The following AGO2 variants were observed in gnomAD, a reference collection of about 807,000 sequenced individuals.
AGO2 encodes the protein protein argonaute-2.
AGO2 carries 5 observed loss-of-function variants against 102.3 expected under a neutral mutation model. That is an observed-to-expected ratio of 0.05 (90% confidence interval 0.03 to 0.10). AGO2 has a LOEUF of 0.10. Among genes scored for constraint, AGO2 ranks in the 10% least tolerant of loss-of-function variants. The pLI is 1.00. For synonymous variants in AGO2, 449 were observed against 473.1 expected, an observed-to-expected ratio of 0.95 and a Z score of 0.66; for missense variants, 541 against 1,183.7, an observed-to-expected ratio of 0.46 and a Z score of 7.97.
In AGO2 at chr8:140,567,176, C is replaced by A. The variant is rs1462688873; in HGVS notation, c.337-4542G>T. On this transcript the variant is annotated intron_variant, in intron 3 of 18. Coordinates refer to ENST00000220592, the MANE Select transcript of AGO2 (RefSeq NM_012154.5). This position sits in a 1 kb window ranked among gnomAD's most constrained non-coding sequence, Gnocchi z 5.0. ...TAAATGTATTTCAGTCCAGCCTCCG[C>A]TTGGCCTGCAGAGAAAGGACAGCAG... Among the ~76,000 whole-genome samples, 2 of 152,236 alleles carry A rather than the reference C, an allele frequency of 1.3e-5. No homozygotes were observed. Among genetic ancestry groups the A allele is most frequent in the Non-Finnish European group, 2.9e-5 (2 of 68,050 alleles).
At chr8:140,573,200 G>A (rs2073412636) in intron 2 of AGO2, among the ~76,000 whole-genome samples, 3 of 151,360 alleles carry the variant, frequency 2.0e-5, no homozygotes, top group South Asian at 4.2e-4. Context: ...ACGGAGTTTC[G>A]CTCTTGTTGC....
chr8:140,575,122 C>T (rs551847551), intron 2 of AGO2, among the ~76,000 whole-genome samples: 78 of 152,284 alleles, frequency 5.1e-4, no homozygotes, highest in African/African-American at 1.7e-3. Context: ...AAGCTGCACC[C>T]GCCTCTGACA....
chr8:140,613,274 T>C (rs1376438568), intron 1 of AGO2, among the ~76,000 whole-genome samples: 1 of 152,214 alleles, frequency 6.6e-6, no homozygotes, highest in African/African-American at 2.4e-5. Context: ...CAGCTGATGC[T>C]TTCTATTAAG....
At chr8:140,538,105 C>T (rs1010274050) in intron 16 of AGO2, among the ~76,000 whole-genome samples, 1 of 152,238 alleles carries the variant, frequency 6.6e-6, no homozygotes. Context: ...CAGGCGTGAG[C>T]CACCGTGCCT....
Position 140,523,215 on chromosome 8 carries a change from CCTG to C in AGO2, c.*8826_*8828del, listed in dbSNP as rs2072445256. The C allele has an allele frequency of 6.6e-6, 1 of 152,116 alleles. No homozygotes were observed. The highest frequency in any genetic ancestry group is 2.4e-5 in the African/African-American group (1 of 41,414). 9.4% of individuals were successfully genotyped at this position (152,116 alleles called of 1,614,324 possible). A position where few individuals can be genotyped will look rare whatever the true frequency, so the allele number is the denominator to read the frequency against. On this transcript the variant is annotated 3_prime_UTR_variant, in exon 19 of 19. Transcript: ENST00000220592. ...CCCACAGACAATACATAGAGTACCACCTGAAACGAGGCCCTTGGAGCTGCTCAG... is the reference window on the plus strand; with the variant it reads ...CCCACAGACAATACATAGAGTACCACAAACGAGGCCCTTGGAGCTGCTCAG...
chr8:140,560,184 G>A (rs922012004), intron 5 of AGO2, among the ~76,000 whole-genome samples, 190 bp downstream of exon 5: 2 of 152,166 alleles, frequency 1.3e-5, no homozygotes, highest in Non-Finnish European at 2.9e-5. Context: ...GTGGCTTCAC[G>A]CTGGCCTGAG....
rs141410242 is a variant in AGO2 at position 140,542,740 on chromosome 8, C to T, written c.1840-1382G>A. 3.3e-3 allele frequency among the ~76,000 whole-genome samples: 500 copies of T among 152,322 alleles called. 4 individuals carry two copies. Among genetic ancestry groups the T allele is most frequent in the Middle Eastern group, 0.017 (5 of 294 alleles). ...GGGCTTTCCCCAGCTGCAGGACCCT[C>T]GGGGGGTCCCCTCTGTGCCCTGGCT... On this transcript the variant is annotated intron_variant, in intron 14 of 18. Coordinates refer to ENST00000220592, the MANE Select transcript of AGO2 (RefSeq NM_012154.5).
chr8:140,545,823 C>T (rs531832894), intron 13 of AGO2, among the ~76,000 whole-genome samples: 37 of 152,372 alleles, frequency 2.4e-4, no homozygotes, highest in African/African-American at 8.9e-4. Flanking sequence ...CAGCCCCTCT[C>T]GGCTTCACGG....
At chr8:140,532,234 T>C (rs1588431448) in intron 18 of AGO2, 82 bp from the exon 19 acceptor site, 1 of 1,460,204 alleles carries the variant, frequency 6.8e-7, no homozygotes, top group East Asian at 2.3e-5. Context: ...TAAGTCGGGA[T>C]GGCATGGCGG....
At position 140,539,368 on chromosome 8, in the gene AGO2, C is replaced by A; in HGVS notation, c.2121G>T (p.Val707=). ...AGAGCCGGGTGTGGTGCCTCTTCTGCACCACGATGAAGGTGATCCCGGGCT... is the reference window on the plus strand; with the variant it reads ...AGAGCCGGGTGTGGTGCCTCTTCTGAACCACGATGAAGGTGATCCCGGGCT... ...DYQPGITFIV[V]QKRHHTRLFC... The change falls in exon 16 of 19, where the codon GTG becomes GTT. Residue 707 remains valine (V), a synonymous_variant. Transcript: ENST00000220592. This position sits in a 1 kb window ranked among gnomAD's most constrained non-coding sequence, Gnocchi z 4.7. The A allele has an allele frequency of 6.2e-7, 1 of 1,614,050 alleles. No individual in the cohort carries two copies. The highest frequency in any genetic ancestry group is 8.5e-7 in the Non-Finnish European group (1 of 1,179,948).
At chr8:140,606,039 T>C (rs970033625) in intron 1 of AGO2, among the ~76,000 whole-genome samples, 2 of 152,256 alleles carry the variant, frequency 1.3e-5, no homozygotes, top group African/African-American at 2.4e-5. Context: ...GCAGACTAAG[T>C]TGCTTTTTCG....
At chr8:140,547,375 C>G (rs1207844604) in intron 13 of AGO2, 93 bp downstream of exon 13, 2 of 1,495,392 alleles carry the variant, frequency 1.3e-6, no homozygotes, top group Non-Finnish European at 1.8e-6. Context: ...TGAAGGGACC[C>G]TGCCCCCCTG....
chr8:140,628,729 C>A (rs2074305632), intron 1 of AGO2, among the ~76,000 whole-genome samples: 1 of 151,940 alleles, frequency 6.6e-6, no homozygotes, highest in Non-Finnish European at 1.5e-5. Context: ...TGTGCCACTG[C>A]ACTCTAGCCT....
chr8:140,584,209 T>C lies in AGO2; in HGVS notation c.215+910A>G, dbSNP rs537682576. Among the ~76,000 whole-genome samples, 5 of 144,234 alleles carry C rather than the reference T, an allele frequency of 3.5e-5. No individual in the cohort carries two copies. In the East Asian group the frequency reaches 1.0e-3, roughly 29 times the overall value. 94.6% of individuals were successfully genotyped at this position (144,234 alleles called of 152,430 possible). A position where few individuals can be genotyped will look rare whatever the true frequency, so the allele number is the denominator to read the frequency against. ...TGGAAATAATATATCACTTAATCGA[T>C]GAAAATAATATATAAACACATGGAA... On this transcript the variant is annotated intron_variant, in intron 2 of 18. Coordinates refer to ENST00000220592, the MANE Select transcript of AGO2 (RefSeq NM_012154.5).
At chr8:140,629,310 CTA>C (rs2074313160) in intron 1 of AGO2, among the ~76,000 whole-genome samples, 1 of 152,076 alleles carries the variant, frequency 6.6e-6, no homozygotes, top group Non-Finnish European at 1.5e-5. Context: ...TGTATGAAGA[CTA>C]AGGATTCGTG....
intron 4 of AGO2, among the ~76,000 whole-genome samples, chr8:140,561,431 A>G (rs1319450784): frequency 6.6e-6 from 1 of 152,250 alleles, no homozygotes; most frequent in Admixed American, 6.5e-5. Context: ...AAGTAATCCA[A>G]AGGAATTCGG....
At chr8:140,550,273 C>T (rs1230483812) in intron 11 of AGO2, among the ~76,000 whole-genome samples, 1 of 152,210 alleles carries the variant, frequency 6.6e-6, no homozygotes, top group Non-Finnish European at 1.5e-5. Flanking sequence ...TGTTAAGGGA[C>T]CGGCTACACC....
chr8:140,522,172 C>T lies in AGO2; in HGVS notation c.*9872G>A, dbSNP rs565450412. 2 of 152,116 alleles carry T rather than the reference C, an allele frequency of 1.3e-5. No individual in the cohort carries two copies. Among genetic ancestry groups the T allele is most frequent in the Admixed American group, 1.3e-4 (2 of 15,278 alleles). 9.4% of individuals were successfully genotyped at this position (152,116 alleles called of 1,614,324 possible). On this transcript the variant is annotated 3_prime_UTR_variant, in exon 19 of 19. Coordinates refer to ENST00000220592, the MANE Select transcript of AGO2 (RefSeq NM_012154.5). Reference sequence around the variant, plus strand: ...ATTTTTTCAATGCATTGGGGTTCAACATAAAAGGCACAAATAAATAAAAAT... The same window carrying T: ...ATTTTTTCAATGCATTGGGGTTCAATATAAAAGGCACAAATAAATAAAAAT...
At chr8:140,555,007 G>A (rs2073071203) in intron 10 of AGO2, among the ~76,000 whole-genome samples, 1 of 152,004 alleles carries the variant, frequency 6.6e-6, no homozygotes, top group Non-Finnish European at 1.5e-5. Flanking sequence ...AATAAGACAA[G>A]AAAAACAAAC....
Sources: allele counts gnomAD v4.1 joint callset (sites outside exome capture counted in the v4.1 genomes callset), GRCh38; gene constraint gnomAD v4.1.1; non-coding constraint Gnocchi (gnomAD v3.1); transcripts MANE v1.5; gene names NCBI Gene and HGNC (gene_info 2026-07-23, HGNC 2026-07-21).